The following SDK2 variants were observed in gnomAD, a reference collection of about 807,000 sequenced individuals.
The protein encoded by SDK2 is protein sidekick-2.
SDK2 carries 105 observed loss-of-function variants against 253.9 expected under a neutral mutation model. That is an observed-to-expected ratio of 0.41 (90% CI 0.35 to 0.49). SDK2 has a LOEUF of 0.49. Ranked by LOEUF, SDK2 falls within the 20% of genes least tolerant of loss-of-function variation. The probability of loss-of-function intolerance (pLI) is 0.06; values close to 1 mark genes in which losing one functional copy is unlikely to be tolerated. For synonymous variants in SDK2, 1,249 were observed against 1,234.9 expected, an observed-to-expected ratio of 1.01 and a Z score of -0.24; for missense variants, 2,608 against 3,003.0, an observed-to-expected ratio of 0.87 and a Z score of 3.07.
At chr17:73,635,650 A>C (rs1953126057) in intron 1 of SDK2, among the ~76,000 whole-genome samples, 1 of 152,166 alleles carries the variant, frequency 6.6e-6, no homozygotes, top group African/African-American at 2.4e-5. Flanking sequence ...CATCATCAAA[A>C]TTTCATCACC....
intron 18 of SDK2, among the ~76,000 whole-genome samples, chr17:73,408,047 C>CTTT (rs951934202): frequency 3.0e-5 from 2 of 66,244 alleles, no homozygotes; most frequent in African/African-American, 1.0e-4. Context: ...AAAATATTTC[C>CTTT]TTTTTTTTTT....
chr17:73,340,445 A>C (rs1472585356), intron 44 of SDK2, among the ~76,000 whole-genome samples: 1 of 152,152 alleles, frequency 6.6e-6, no homozygotes, highest in Non-Finnish European at 1.5e-5. Flanking sequence ...TTTCCTATAA[A>C]TGGGATCATA....
chr17:73,600,666 G>A (rs73353324), intron 1 of SDK2, among the ~76,000 whole-genome samples: 3,276 of 152,300 alleles, frequency 0.022, 112 homozygotes, highest in African/African-American at 0.072. Flanking sequence ...TGGCCATCCA[G>A]TCGATGCGGA....
rs551555608 is a variant in SDK2 at position 73,401,198 on chromosome 17, G to C, written c.2793C>G (p.Ser931=). ...KNGILTGYRI[S]WEEYNRTNTR... ...TGTTGGTTCGATTGTACTCCTCCCAGGAGATCCGGTACCCTGGGGAGAGCC... is the reference window on the plus strand; with the variant it reads ...TGTTGGTTCGATTGTACTCCTCCCACGAGATCCGGTACCCTGGGGAGAGCC... The change falls in exon 21 of 45, where the codon TCC becomes TCG. Residue 931 remains serine, a synonymous_variant. Coordinates refer to ENST00000392650, the MANE Select transcript of SDK2 (RefSeq NM_001144952.2). 7.1e-6 allele frequency: 11 copies of C among 1,551,632 alleles called. No individual in the cohort carries two copies. In the South Asian group the frequency reaches 1.1e-4, roughly 15 times the overall value.
chr17:73,472,735 C>T (rs779674297), intron 2 of SDK2, among the ~76,000 whole-genome samples: 2 of 152,184 alleles, frequency 1.3e-5, no homozygotes, highest in Admixed American at 6.5e-5. Context: ...CATCCTGTAG[C>T]TCGCATAATT....
chr17:73,341,082 TTTG>T (rs1166528908), intron 44 of SDK2, among the ~76,000 whole-genome samples: 1 of 150,892 alleles, frequency 6.6e-6, no homozygotes, highest in East Asian at 1.9e-4. Flanking sequence ...GGGGTCTCTC[TTTG>T]TTGCCTAGGC....
Position 73,415,963 on chromosome 17 carries a change from T to A in SDK2, c.2216A>T (p.Tyr739Phe). The A allele has an allele frequency of 6.2e-7, 1 of 1,611,486 alleles. No homozygotes were observed. The highest frequency in any genetic ancestry group is 1.3e-5 in the African/African-American group (1 of 75,020). ...AGCATCCGTGATGTTCTTAAACTGG[T>A]ACCCCACGGGCAGCCCGGCCAGGCA... ...RYCLAGLPVG[Y>F]QFKNITDADV... The change falls in exon 17 of 45, where the codon TAC becomes TTC. Residue 739 changes from tyrosine to phenylalanine, a missense_variant. Around this residue, in one of 2 missense-constraint regions of SDK2, gnomAD observed 1,505 missense variants for 1,859.1 expected, o/e 0.81. Coordinates refer to ENST00000392650, the MANE Select transcript of SDK2 (RefSeq NM_001144952.2).
chr17:73,535,573 A>T (rs755801232), intron 1 of SDK2, among the ~76,000 whole-genome samples: 1 of 152,224 alleles, frequency 6.6e-6, no homozygotes, highest in Non-Finnish European at 1.5e-5. Flanking sequence ...CCTGTTCCCC[A>T]GGAAATATAA....
chr17:73,373,066 T>G (rs971593392), intron 36 of SDK2, among the ~76,000 whole-genome samples: 3 of 152,224 alleles, frequency 2.0e-5, no homozygotes, highest in African/African-American at 7.2e-5. Context: ...TGTTCTACTC[T>G]CTGTTCCTAT....
At chr17:73,365,127 T>G in intron 38 of SDK2, 131 bp downstream of exon 38, 1 of 609,964 alleles carries the variant, frequency 1.6e-6, no homozygotes, top group Non-Finnish European at 2.5e-6. Context: ...TGGGACTCAG[T>G]TTCCGTGTTT....
At chr17:73,410,994 G>C (rs955710754) in intron 18 of SDK2, among the ~76,000 whole-genome samples, 1 of 152,204 alleles carries the variant, frequency 6.6e-6, no homozygotes, top group African/African-American at 2.4e-5. Context: ...GCTTAGAATT[G>C]GTAGCAAGAA....
chr17:73,551,550 G>T (rs1294046027), intron 1 of SDK2, among the ~76,000 whole-genome samples: 1 of 152,192 alleles, frequency 6.6e-6, no homozygotes, highest in African/African-American at 2.4e-5. Context: ...AGTTTCTCTA[G>T]GCCATTCTTC....
intron 38 of SDK2, among the ~76,000 whole-genome samples, chr17:73,362,922 TCAGACC>T (rs1399188749): frequency 6.6e-6 from 1 of 152,228 alleles, no homozygotes; most frequent in Non-Finnish European, 1.5e-5. Flanking sequence ...TAGGCTGGGC[TCAGACC>T]CAGTGATGGC....
chr17:73,618,636 G>A lies in SDK2; in HGVS notation c.64+25389C>T, dbSNP rs1339870833. On this transcript the variant is annotated intron_variant, in intron 1 of 44. Coordinates refer to ENST00000392650, the MANE Select transcript of SDK2 (RefSeq NM_001144952.2). This position sits in a 1 kb window ranked among gnomAD's most constrained non-coding sequence, Gnocchi z 4.1. ...TAGAGTCCACGTGGTGCCCAAGAACGGCATGGGGGAGTCAGGGAAGCAGAG... is the reference window on the plus strand; with the variant it reads ...TAGAGTCCACGTGGTGCCCAAGAACAGCATGGGGGAGTCAGGGAAGCAGAG... Among the ~76,000 whole-genome samples, 2 of 152,132 alleles carry A rather than the reference G, an allele frequency of 1.3e-5. No homozygotes were observed. Among genetic ancestry groups the A allele is most frequent in the Non-Finnish European group, 2.9e-5 (2 of 68,018 alleles).
chr17:73,558,745 G>C (rs1366908615), intron 1 of SDK2, among the ~76,000 whole-genome samples: 1 of 151,978 alleles, frequency 6.6e-6, no homozygotes, highest in Admixed American at 6.6e-5. Flanking sequence ...AGAACTTCAG[G>C]GCCCCCGCAC....
chr17:73,501,286 A>C (rs895370485), intron 2 of SDK2, among the ~76,000 whole-genome samples: 3 of 151,786 alleles, frequency 2.0e-5, no homozygotes, highest in African/African-American at 7.3e-5. Context: ...ATTAGACTCC[A>C]TACATTAGAC....
chr17:73,388,988 C>A (rs2062903484), intron 29 of SDK2, among the ~76,000 whole-genome samples: 1 of 131,796 alleles, frequency 7.6e-6, no homozygotes, highest in African/African-American at 2.9e-5. Flanking sequence ...TCCCCTTCCC[C>A]TTCCCCTCCT....
rs778438588 is a variant in SDK2 at position 73,387,846 on chromosome 17, T to C, written c.4384A>G (p.Ile1462Val). 5.7e-6 allele frequency: 9 copies of C among 1,579,570 alleles called. No homozygotes were observed. The African/African-American group carries it at 9.4e-5, about 17-fold the overall frequency. ...GGACCCGAGCCTTACCTGTCCACAA[T>C]GAAGCTGGAGGCATTGTGGCTCACG... is the stretch of plus-strand genomic sequence containing the variant. Reference protein sequence around the residue: ...ASVSHNASSFIVDRLKPFTSY... With the variant: ...ASVSHNASSFVVDRLKPFTSY... The change falls in exon 30 of 45, where the codon ATT (isoleucine) becomes GTT (valine). Residue 1462 changes from isoleucine (I) to valine (V), a missense_variant. Transcript: ENST00000392650.
chr17:73,384,046 T>A, intron 32 of SDK2, 35 bp from the exon 33 acceptor site: 2 of 1,603,720 alleles, frequency 1.2e-6, no homozygotes, highest in Non-Finnish European at 1.7e-6. Flanking sequence ...GGAGGGCACC[T>A]GGACCACCAC....
Sources: gnomAD v4.1 joint callset for allele counts (sites outside exome capture counted in the v4.1 genomes callset) on GRCh38, gnomAD v4.1.1 for gene constraint, gnomAD v4.1.1 regional missense constraint, Gnocchi (gnomAD v3.1) non-coding constraint, MANE v1.5 for transcripts, NCBI Gene and HGNC (gene_info 2026-07-23, HGNC 2026-07-21) for gene names.